CFAP95: variants seen among roughly 807,000 people sequenced by gnomAD.
The protein encoded by CFAP95 is cilia- and flagella-associated protein 95.
chr9:69,880,718 T>G, the CFAP95 span, among the ~76,000 whole-genome samples: 493 of 152,320 alleles, frequency 3.2e-3, 5 homozygotes, highest in African/African-American at 0.011. Flanking sequence ...AATTGTTAGC[T>G]TTTTGAGGAA....
chr9:69,843,529 TCCTCCTCCTCCTCCTCCTC>T, the CFAP95 span, among the ~76,000 whole-genome samples: 1 of 19,374 alleles, frequency 5.2e-5, no homozygotes, highest in African/African-American at 2.0e-4. Context: ...CTCCTCCTCC[TCCTCCTCCTCCTCCTCCTC>T]CTCCTCCTCC....
the CFAP95 span, chr9:69,905,898 T>G: frequency 4.0e-6 from 5 of 1,261,854 alleles, no homozygotes; most frequent in Non-Finnish European, 3.2e-6. Flanking sequence ...TTTTGAAGAT[T>G]ACTTCTTTTT....
the CFAP95 span, among the ~76,000 whole-genome samples, chr9:69,856,946 A>T: frequency 4.4e-3 from 579 of 130,548 alleles, 16 homozygotes; most frequent in Admixed American, 0.043. Flanking sequence ...TTTCTGGCCC[A>T]AGGTTCTGAC....
the CFAP95 span, among the ~76,000 whole-genome samples, chr9:69,862,784 ACT>A: frequency 6.6e-6 from 1 of 152,054 alleles, no homozygotes; most frequent in Non-Finnish European, 1.5e-5. Flanking sequence ...CATTTGACTG[ACT>A]CTCTTTCTCA....
At chr9:69,871,147 G>C in the CFAP95 span, among the ~76,000 whole-genome samples, 4 of 152,096 alleles carry the variant, frequency 2.6e-5, no homozygotes, top group Non-Finnish European at 5.9e-5. Flanking sequence ...GAACCAGGGA[G>C]GTGGAGGTTG....
the CFAP95 span, chr9:69,886,716 AT>A: frequency 1.4e-6 from 1 of 690,466 alleles, no homozygotes; most frequent in Non-Finnish European, 2.4e-6. Context: ...GGGGTTTTAA[AT>A]TTTGATTAGG....
the CFAP95 span, among the ~76,000 whole-genome samples, chr9:69,886,041 G>A: frequency 4.0e-4 from 61 of 152,248 alleles, 1 homozygote; most frequent in South Asian, 7.9e-3. Flanking sequence ...TCTGAGTAGT[G>A]CCACAAAATC....
the CFAP95 span, among the ~76,000 whole-genome samples, chr9:69,832,619 G>GTTTTTTTTTTTT: frequency 1.4e-4 from 2 of 14,116 alleles, no homozygotes; most frequent in Admixed American, 1.1e-3. Flanking sequence ...AGTCTATTCG[G>GTTTTTTTTTTTT]ATTTTTTTTT....
the CFAP95 span, among the ~76,000 whole-genome samples, chr9:69,822,906 A>G: frequency 2.0e-3 from 310 of 152,354 alleles, 7 homozygotes; most frequent in East Asian, 0.03. Context: ...ACTTTGCTAC[A>G]TGTTGGGGAC....
the CFAP95 span, among the ~76,000 whole-genome samples, chr9:69,873,782 GAAACA>G: frequency 6.6e-6 from 1 of 152,162 alleles, no homozygotes; most frequent in Non-Finnish European, 1.5e-5. Context: ...AAACAGAAAA[GAAACA>G]GTTGATCTTT....
the CFAP95 span, among the ~76,000 whole-genome samples, chr9:69,858,880 A>G: frequency 6.6e-6 from 1 of 152,306 alleles, no homozygotes; most frequent in African/African-American, 2.4e-5. Flanking sequence ...CTACAAAAGA[A>G]AAAGGTCTTA....
the CFAP95 span, among the ~76,000 whole-genome samples, chr9:69,885,790 G>T: frequency 6.6e-6 from 1 of 152,240 alleles, no homozygotes; most frequent in African/African-American, 2.4e-5. Context: ...GCAGGAAGTT[G>T]GTGGTAAAGA....
At chr9:69,881,268 T>C in the CFAP95 span, among the ~76,000 whole-genome samples, 1 of 152,180 alleles carries the variant, frequency 6.6e-6, no homozygotes, top group Non-Finnish European at 1.5e-5. Context: ...TTTTTCCCAA[T>C]GTTTTCTTGT....
the CFAP95 span, among the ~76,000 whole-genome samples, chr9:69,871,460 A>G: frequency 3.3e-5 from 5 of 152,036 alleles, no homozygotes; most frequent in African/African-American, 4.8e-5. Context: ...CAGAGAACAG[A>G]TTGGTAGGCA....
the CFAP95 span, among the ~76,000 whole-genome samples, chr9:69,861,438 C>T: frequency 1.3e-5 from 2 of 152,100 alleles, no homozygotes; most frequent in Middle Eastern, 3.2e-3. Context: ...AGTATGAATA[C>T]TGCATTATGT....
the CFAP95 span, chr9:69,905,967 A>G: frequency 6.2e-7 from 1 of 1,604,856 alleles, no homozygotes; most frequent in Admixed American, 1.7e-5. Context: ...TATCCCTGTC[A>G]AGATGATTAT....
At chr9:69,873,946 C>A in the CFAP95 span, among the ~76,000 whole-genome samples, 2 of 152,176 alleles carry the variant, frequency 1.3e-5, no homozygotes, top group South Asian at 2.1e-4. Flanking sequence ...TTATCAGACA[C>A]CTTTTCCTTT....
chr9:69,874,118 T>C, the CFAP95 span, among the ~76,000 whole-genome samples: 1 of 152,206 alleles, frequency 6.6e-6, no homozygotes, highest in South Asian at 2.1e-4. Context: ...CATATCCTAG[T>C]GAATTTACTG....
chr9:69,832,418 G>C, the CFAP95 span, among the ~76,000 whole-genome samples: 32 of 152,210 alleles, frequency 2.1e-4, no homozygotes, highest in African/African-American at 7.5e-4. Context: ...AGTGTGGCGC[G>C]TGTAATGTGG....
Sources: gnomAD v4.1 joint callset for allele counts (sites outside exome capture counted in the v4.1 genomes callset) on GRCh38, gnomAD v4.1.1 for gene constraint, MANE v1.5 for transcripts, NCBI Gene and HGNC (gene_info 2026-07-23, HGNC 2026-07-21) for gene names.